TOR1AIP1: variants seen among roughly 807,000 people sequenced by gnomAD.
TOR1AIP1 encodes the protein torsin 1A interacting protein 1.
In TOR1AIP1, 54 loss-of-function variants were observed where a neutral mutation model predicts 63.3. The observed-to-expected ratio is 0.85, with a 90% CI of 0.69 to 1.07. The LOEUF (loss-of-function observed/expected upper bound fraction) is 1.07, where lower values mean the gene tolerates loss of function less well. Among genes scored for constraint, TOR1AIP1 ranks in the 50% least tolerant of loss-of-function variants. TOR1AIP1 has a pLI of 0.00. For synonymous variants in TOR1AIP1, 294 were observed against 273.5 expected (o/e 1.07, Z -0.74); for missense variants, 736 against 715.0 (o/e 1.03, Z -0.33).
chr1:179,901,431 T>A (rs767999838), intron 5 of TOR1AIP1, 43 bp downstream of exon 5: 2 of 1,207,212 alleles, frequency 1.7e-6, no homozygotes, highest in Non-Finnish European at 2.3e-6. Flanking sequence ...CATAGAACTA[T>A]CTTTGGTATT....
Position 179,882,515 on chromosome 1 carries a change from G to A in TOR1AIP1, c.13G>A (p.Gly5Arg). The change falls in exon 1 of 10, where the codon GGG (glycine) becomes AGG (arginine). Residue 5 changes from glycine (G) to arginine (R), a missense_variant. Gly to Arg is a moderately radical substitution (Grantham distance 125). This residue lies in a region of TOR1AIP1 where 464 missense variants were observed against 371.0 expected (regional missense o/e 1.25). Transcript: ENST00000606911. Reference sequence around the variant, plus strand: ...TACGTCAACAACTATGGCGGGCGACGGGCGGCGGGCAGAGGCGGTGCGGGA... The same window carrying A: ...TACGTCAACAACTATGGCGGGCGACAGGCGGCGGGCAGAGGCGGTGCGGGA... MAGD[G>R]RRAEAVREGW... The A allele has an allele frequency of 1.4e-6, 2 of 1,454,056 alleles. No homozygotes were observed. Among genetic ancestry groups the A allele is most frequent in the Middle Eastern group, 1.9e-4 (1 of 5,258 alleles). 90.1% of individuals were successfully genotyped at this position (1,454,056 alleles called of 1,614,324 possible). A position where few individuals can be genotyped will look rare whatever the true frequency, so the allele number is the denominator to read the frequency against.
At chr1:179,898,436 A>G (rs114941442) in intron 3 of TOR1AIP1, among the ~76,000 whole-genome samples, 30 of 152,344 alleles carry the variant, frequency 2.0e-4, no homozygotes, top group African/African-American at 7.2e-4. Context: ...TTTGCATGCT[A>G]TGTGAATAGT....
At chr1:179,892,737 CAAAAA>C (rs71118413) in intron 3 of TOR1AIP1, among the ~76,000 whole-genome samples, 1 of 110,946 alleles carries the variant, frequency 9.0e-6, no homozygotes, top group African/African-American at 3.3e-5. Context: ...GACTCCGTCT[CAAAAA>C]AAAAAAAAAA....
At chr1:179,908,188 G>A (rs1391089764) in intron 7 of TOR1AIP1, among the ~76,000 whole-genome samples, 2 of 152,062 alleles carry the variant, frequency 1.3e-5, no homozygotes, top group Non-Finnish European at 2.9e-5. Context: ...AATTACAGGT[G>A]TGAGCCACCG....
At chr1:179,884,810 A>G in intron 2 of TOR1AIP1, 41 bp downstream of exon 2, 1 of 1,452,060 alleles carries the variant, frequency 6.9e-7, no homozygotes, top group Non-Finnish European at 9.5e-7. Context: ...TTACCTACCA[A>G]CTTTTTAAAT....
At chr1:179,909,381 GTTTTTTGTTTTGTTT>G (rs1359094981) in intron 8 of TOR1AIP1, among the ~76,000 whole-genome samples, 1 of 106,042 alleles carries the variant, frequency 9.4e-6, no homozygotes, top group Non-Finnish European at 1.9e-5. Flanking sequence ...TTTTTTTTCT[GTTTTTTGTTTTGTTT>G]TGTTTTGTTT....
At chr1:179,895,622 G>A (rs1441153050) in intron 3 of TOR1AIP1, among the ~76,000 whole-genome samples, 1 of 151,948 alleles carries the variant, frequency 6.6e-6, no homozygotes, top group Admixed American at 6.6e-5. Flanking sequence ...AAAAGAGGCC[G>A]GGCACGGTGT....
rs1265087521 is a variant in TOR1AIP1, at chr1:179,884,680, T to C, written c.476-12T>C. The C allele has an allele frequency of 6.2e-7, 1 of 1,600,502 alleles. No homozygotes were observed. The highest frequency in any genetic ancestry group is 8.5e-7 in the Non-Finnish European group (1 of 1,174,520). ...ATTCTGAATTTTAACTCTTGTTATG[T>C]CTGTTTTTTAGAGGATGAAGCATCT... On this transcript the variant is annotated splice_polypyrimidine_tract_variant and intron_variant, in intron 1 of 9. Transcript: ENST00000606911.
At chr1:179,908,932 G>A (rs1439803712) in intron 8 of TOR1AIP1, among the ~76,000 whole-genome samples, 3 of 152,170 alleles carry the variant, frequency 2.0e-5, no homozygotes, top group Middle Eastern at 3.2e-3. Flanking sequence ...TTGGGAGGCC[G>A]AGGTGGGTGG....
chr1:179,897,000 TC>T (rs1648302326), intron 3 of TOR1AIP1, among the ~76,000 whole-genome samples: 1 of 152,226 alleles, frequency 6.6e-6, no homozygotes, highest in South Asian at 2.1e-4. Context: ...TTATTTAAGA[TC>T]TAATTCATAG....
intron 7 of TOR1AIP1, 48 bp downstream of exon 7, chr1:179,907,912 TC>T (rs372891231): frequency 5.1e-5 from 44 of 865,356 alleles, no homozygotes; most frequent in Non-Finnish European, 6.7e-5. Flanking sequence ...AATTCTTTTC[TC>T]TTTTTTTTTT....
intron 3 of TOR1AIP1, among the ~76,000 whole-genome samples, chr1:179,896,389 C>A (rs1648268000): frequency 6.6e-6 from 1 of 152,038 alleles, no homozygotes; most frequent in Non-Finnish European, 1.5e-5. Context: ...GATTACAAGG[C>A]ATGAGCCACC....
rs145576167 is a variant in TOR1AIP1 at position 179,917,264 on chromosome 1, C to T, written c.965-188C>T. 8.5e-5 allele frequency among the ~76,000 whole-genome samples: 13 copies of T among 152,182 alleles called. No homozygotes were observed. In the East Asian group the frequency reaches 2.5e-3, roughly 29 times the overall value. On this transcript the variant is annotated intron_variant, in intron 9 of 9. Transcript: ENST00000606911. ...GCATATTTGTACACATAATTCAAAG[C>T]CTATGCATGTAAGATTTTCTTGAGA... is the stretch of plus-strand genomic sequence containing the variant.
intron 8 of TOR1AIP1, among the ~76,000 whole-genome samples, chr1:179,910,385 C>G (rs551865190): frequency 6.6e-6 from 1 of 152,276 alleles, no homozygotes; most frequent in South Asian, 2.1e-4. Flanking sequence ...AAATGACATG[C>G]GTGGCTCTGC....
Position 179,900,142 on chromosome 1 carries a change from A to C in TOR1AIP1, c.627A>C (p.Gln209His), listed in dbSNP as rs752751720. Reference sequence around the variant, plus strand: ...TTCTTCTAGAAGCCACCAGTGTCCAACAGAAGGTCAATTTCTCTGAAGAAG... The same window carrying C: ...TTCTTCTAGAAGCCACCAGTGTCCACCAGAAGGTCAATTTCTCTGAAGAAG... ...RYPRYEATSV[Q>H]QKVNFSEEGE... Residue 209 changes from glutamine to histidine, a missense_variant, in exon 4 of 10, where the codon CAA becomes CAC. Transcript: ENST00000606911. 1 of 1,605,654 alleles carries C rather than the reference A, an allele frequency of 6.2e-7. No homozygotes were observed. The highest frequency in any genetic ancestry group is 1.3e-5 in the African/African-American group (1 of 74,706).
At chr1:179,915,170 G>C (rs1424221977) in intron 9 of TOR1AIP1, among the ~76,000 whole-genome samples, 1 of 152,056 alleles carries the variant, frequency 6.6e-6, no homozygotes, top group Non-Finnish European at 1.5e-5. Context: ...AATTTTAATA[G>C]CCTCTTCAGA....
chr1:179,913,430 A>G (rs987204293), intron 8 of TOR1AIP1, among the ~76,000 whole-genome samples: 1 of 152,256 alleles, frequency 6.6e-6, no homozygotes, highest in Non-Finnish European at 1.5e-5. Context: ...TTAAAATACT[A>G]CTAGTATTTG....
chr1:179,903,885 T>G, intron 5 of TOR1AIP1, 81 bp from the exon 6 acceptor site: 1 of 982,184 alleles, frequency 1.0e-6, no homozygotes, highest in Non-Finnish European at 1.5e-6. Context: ...GCTCTTTTTA[T>G]TAATTTCTCA....
Position 179,882,440 on chromosome 1 carries a change from C to A in TOR1AIP1, c.-63C>A. 1 of 1,352,654 alleles carries A rather than the reference C, an allele frequency of 7.4e-7. No homozygotes were observed. The allele number at this position is 1,352,654 out of a possible 1,614,324, so 83.8% of individuals were successfully genotyped here. A position where few individuals can be genotyped will look rare whatever the true frequency, so the allele number is the denominator to read the frequency against. ...ACCCCCGAGAAGCCATCGCCACCAC[C>A]GGCAGGAGAACCTAGGGTCCATAAA... On this transcript the variant is annotated 5_prime_UTR_variant, in exon 1 of 10. Transcript: ENST00000606911.
Sources: gnomAD v4.1 joint callset for allele counts (sites outside exome capture counted in the v4.1 genomes callset) on GRCh38, gnomAD v4.1.1 for gene constraint, gnomAD v4.1.1 regional missense constraint, MANE v1.5 for transcripts, NCBI Gene and HGNC (gene_info 2026-07-23, HGNC 2026-07-21) for gene names.